Variants in EMSY observed in about 807,000 individuals in gnomAD.
EMSY encodes EMSY transcriptional repressor, BRCA2 interacting.
Under a neutral mutation model 134.6 loss-of-function variants are expected in EMSY, and 26 were observed. That is an observed-to-expected ratio of 0.19 (90% CI 0.14 to 0.27). EMSY has a LOEUF of 0.27. Among genes scored for constraint, EMSY ranks in the 10% least tolerant of loss-of-function variants. The pLI is 1.00. For synonymous variants in EMSY, 579 were observed against 577.8 expected (o/e 1.00, Z -0.03); for missense variants, 1,305 against 1,611.4 (o/e 0.81, Z 3.26).
chr11:76,530,827 T>C lies in EMSY; in HGVS notation c.2194+2361T>C, dbSNP rs997826409. ...TCAGGTCATGCTGATTTTCAAAGTA[T>C]ATGAGAATATTCCTACTTATTAAGA... On this transcript the variant is annotated intron_variant, in intron 14 of 20. Coordinates refer to ENST00000334736, the Ensembl canonical transcript of EMSY. Among the ~76,000 whole-genome samples, 14 of 152,306 alleles carry C rather than the reference T, an allele frequency of 9.2e-5. 1 individual carries two copies. The South Asian group carries it at 1.9e-3, about 20-fold the overall frequency.
intron 7 of EMSY, among the ~76,000 whole-genome samples, chr11:76,468,211 G>T (rs931344818): frequency 2.3e-4 from 35 of 151,612 alleles, no homozygotes; most frequent in African/African-American, 7.7e-4. Context: ...GATAGTTGAG[G>T]TTTTCAGACT....
At chr11:76,515,989 G>T (rs1950437714) in intron 10 of EMSY, among the ~76,000 whole-genome samples, 153 bp from the exon 12 acceptor site, 1 of 152,102 alleles carries the variant, frequency 6.6e-6, no homozygotes, top group Non-Finnish European at 1.5e-5. Context: ...TTGAAAACTG[G>T]CTGTAAAATT....
intron 4 of EMSY, among the ~76,000 whole-genome samples, chr11:76,456,868 C>G (rs532272271): frequency 6.7e-4 from 102 of 152,208 alleles, no homozygotes; most frequent in Non-Finnish European, 1.2e-3. Context: ...ACAGCACTAT[C>G]CAGTTGGTAT....
intron 11 of EMSY, among the ~76,000 whole-genome samples, chr11:76,518,454 C>A (rs1355663167): frequency 6.6e-6 from 1 of 151,588 alleles, no homozygotes; most frequent in Non-Finnish European, 1.5e-5. Flanking sequence ...AGGCATGAGC[C>A]ACCATGCCTG....
At chr11:76,538,089 C>G in intron 16 of EMSY, 139 bp downstream of exon 17, 1 of 726,606 alleles carries the variant, frequency 1.4e-6, no homozygotes, top group Non-Finnish European at 2.1e-6. Context: ...TCACACCATC[C>G]TTGGGATTTA....
exon 5 of EMSY, chr11:76,458,336 T>G: frequency 6.2e-7 from 1 of 1,609,606 alleles, no homozygotes. Context: ...TTCCAGTGCC[T>G]GCAGAAACAG....
At chr11:76,547,056 G>A (rs555717549) in intron 20 of EMSY, 1 of 455,004 alleles carries the variant, frequency 2.2e-6, no homozygotes, top group Non-Finnish European at 4.4e-6. Flanking sequence ...CTGAGTCCAG[G>A]CTACCCCTTA....
intron 15 of EMSY, 110 bp from the exon 17 acceptor site, chr11:76,537,685 C>T (rs906904534): frequency 1.1e-6 from 1 of 923,576 alleles, no homozygotes. Flanking sequence ...TCTACTTAGT[C>T]ACTGCCAGTG....
At chr11:76,488,535 G>GGT (rs1949285758) in intron 8 of EMSY, among the ~76,000 whole-genome samples, 2 of 142,028 alleles carry the variant, frequency 1.4e-5, no homozygotes, top group African/African-American at 5.2e-5. Flanking sequence ...TTTTTTTTTT[G>GGT]TTTTTTTTTT....
At chr11:76,478,670 A>G (rs1414976063) in intron 8 of EMSY, among the ~76,000 whole-genome samples, 1 of 151,936 alleles carries the variant, frequency 6.6e-6, no homozygotes, top group African/African-American at 2.4e-5. Flanking sequence ...TATTTGGAAT[A>G]AAAAGTTCAT....
intron 8 of EMSY, among the ~76,000 whole-genome samples, chr11:76,495,625 CT>C (rs916640026): frequency 5.2e-4 from 79 of 152,216 alleles, no homozygotes; most frequent in African/African-American, 1.8e-3. Context: ...CCATTTACAA[CT>C]TTTCATATGA....
intron 18 of EMSY, among the ~76,000 whole-genome samples, chr11:76,544,050 T>C (rs999846522): frequency 6.6e-6 from 1 of 152,198 alleles, no homozygotes; most frequent in African/African-American, 2.4e-5. Context: ...ACTTTTCTTA[T>C]AGTAGTAAGT....
chr11:76,456,973 T>C (rs1947897609), intron 4 of EMSY, among the ~76,000 whole-genome samples: 1 of 152,150 alleles, frequency 6.6e-6, no homozygotes, highest in Admixed American at 6.5e-5. Flanking sequence ...AAGGAGACAT[T>C]TATTAGTTGC....
chr11:76,527,789 G>A (rs567310790), intron 13 of EMSY, among the ~76,000 whole-genome samples: 4 of 150,688 alleles, frequency 2.7e-5, no homozygotes, highest in African/African-American at 9.7e-5. Context: ...AAAAAAAAAA[G>A]AAAAGAAAAA....
intron 3 of EMSY, among the ~76,000 whole-genome samples, chr11:76,452,798 G>C (rs1045557453): frequency 1.3e-5 from 2 of 152,140 alleles, no homozygotes; most frequent in Non-Finnish European, 2.9e-5. Flanking sequence ...TATTACCCTG[G>C]TGTTAAGTTG....
At chr11:76,482,763 A>C (rs971082745) in intron 8 of EMSY, among the ~76,000 whole-genome samples, 2 of 152,214 alleles carry the variant, frequency 1.3e-5, no homozygotes, top group African/African-American at 4.8e-5. Flanking sequence ...GAAAAGACCA[A>C]ACCTGCGTTT....
chr11:76,526,471 A>G (rs748508009), exon 13 of EMSY: 50 of 1,600,544 alleles, frequency 3.1e-5, no homozygotes, highest in South Asian at 1.6e-4. Context: ...GGGAGAAAAG[A>G]CTATTCAGAC....
intron 3 of EMSY, 124 bp from the exon 4 acceptor site, chr11:76,453,190 A>G (rs1375646616): frequency 1.1e-5 from 8 of 721,490 alleles, no homozygotes; most frequent in African/African-American, 5.3e-5. Flanking sequence ...ACTCCTGTCT[A>G]TATCTTTTCA....
chr11:76,524,340 C>G (rs1171289239), intron 12 of EMSY, among the ~76,000 whole-genome samples: 1 of 152,128 alleles, frequency 6.6e-6, no homozygotes, highest in Non-Finnish European at 1.5e-5. Flanking sequence ...ATTCTTGGTA[C>G]TTACCTGTTT....
Sources: gnomAD v4.1 joint callset for allele counts (sites outside exome capture counted in the v4.1 genomes callset) on GRCh38, gnomAD v4.1.1 for gene constraint, MANE v1.5 for transcripts, NCBI Gene and HGNC (gene_info 2026-07-23, HGNC 2026-07-21) for gene names.